Variants in MAD1L1 observed in about 807,000 individuals in gnomAD.
MAD1L1 encodes the protein mitotic spindle assembly checkpoint protein MAD1.
A neutral mutation model predicts 96.9 loss-of-function variants in MAD1L1; 95 were observed. The ratio of observed to expected loss-of-function variants is 0.98; its 90% confidence interval spans 0.83 to 1.16. The LOEUF (loss-of-function observed/expected upper bound fraction) is 1.16, where lower values mean the gene tolerates loss of function less well. MAD1L1 is among the 50% of genes most tolerant of loss of function. The probability of loss-of-function intolerance (pLI) is 0.00; values close to 1 mark genes in which losing one functional copy is unlikely to be tolerated. For missense variants in MAD1L1, 1,007 were observed against 954.4 expected (o/e 1.06, Z -0.73); for synonymous variants, 473 against 396.6 (o/e 1.19, Z -2.29).
intron 11 of MAD1L1, among the ~76,000 whole-genome samples, chr7:2,137,447 C>T (rs1043856120): frequency 1.3e-5 from 2 of 152,160 alleles, no homozygotes; most frequent in African/African-American, 4.8e-5. Flanking sequence ...CTAACAGAAA[C>T]GTCACAGAGC....
At chr7:1,864,487 G>A (rs1212956974) in intron 18 of MAD1L1, among the ~76,000 whole-genome samples, 2 of 152,206 alleles carry the variant, frequency 1.3e-5, no homozygotes. Context: ...CCCCCCTGCC[G>A]GGAGTCTTTA....
At chr7:2,042,678 A>G (rs1416304841) in intron 12 of MAD1L1, among the ~76,000 whole-genome samples, 1 of 152,150 alleles carries the variant, frequency 6.6e-6, no homozygotes, top group Non-Finnish European at 1.5e-5. Context: ...TGGAACCTCA[A>G]GTGTCTCTCT....
In MAD1L1 at chr7:2,151,366, C is replaced by A. The variant is rs1249719826; in HGVS notation, c.987-2128G>T. 2.0e-5 allele frequency among the ~76,000 whole-genome samples: 3 copies of A among 152,372 alleles called. 1 individual carries two copies. The highest frequency in any genetic ancestry group is 7.2e-5 in the African/African-American group (3 of 41,582). Reference sequence around the variant, plus strand: ...CGGCAGGCTACAGGCTCCACCTACACAGCCAAGACCACCCCGCCTCACACC... The same window carrying A: ...CGGCAGGCTACAGGCTCCACCTACAAAGCCAAGACCACCCCGCCTCACACC... On this transcript the variant is annotated intron_variant, in intron 10 of 18. Transcript: ENST00000265854.
intron 18 of MAD1L1, among the ~76,000 whole-genome samples, chr7:1,893,031 G>A (rs1048217866): frequency 1.7e-4 from 26 of 152,348 alleles, no homozygotes; most frequent in African/African-American, 6.3e-4. Context: ...GGGATGGAGA[G>A]ACCAGGAGCT....
chr7:1,920,159 G>A (rs1017031071), intron 17 of MAD1L1, among the ~76,000 whole-genome samples: 45 of 152,186 alleles, frequency 3.0e-4, no homozygotes, highest in Middle Eastern at 3.2e-3. Context: ...CTGGGTCCCC[G>A]GCTTGCCCCC....
intron 1 of MAD1L1, among the ~76,000 whole-genome samples, chr7:2,231,450 T>C (rs772570383): frequency 6.6e-6 from 1 of 151,834 alleles, no homozygotes; most frequent in East Asian, 1.9e-4. Flanking sequence ...TGAAACCCCA[T>C]CTCTACTAAA....
At chr7:1,976,600 G>T (rs1031705441) in intron 15 of MAD1L1, among the ~76,000 whole-genome samples, 5 of 152,240 alleles carry the variant, frequency 3.3e-5, no homozygotes, top group Admixed American at 3.3e-4. Flanking sequence ...CCACAGCGTG[G>T]AAGGGGACCC....
At chr7:2,080,045 C>T (rs1785561556) in intron 11 of MAD1L1, 1 of 289,162 alleles carries the variant, frequency 3.5e-6, no homozygotes, top group African/African-American at 2.3e-5. Flanking sequence ...TGCCTGCTCG[C>T]CTAATGCACA....
In MAD1L1 at chr7:2,114,748, C is replaced by T. The variant is rs1187127835; in HGVS notation, c.1073+34404G>A. Among the ~76,000 whole-genome samples, 1 of 152,234 alleles carries T rather than the reference C, an allele frequency of 6.6e-6. No individual in the cohort carries two copies. The highest frequency in any genetic ancestry group is 1.5e-5 in the Non-Finnish European group (1 of 68,044). On this transcript the variant is annotated intron_variant, in intron 11 of 18. Transcript: ENST00000265854. This position sits in a 1 kb window ranked among gnomAD's most constrained non-coding sequence, Gnocchi z 4.2. ...AATCGCCGCTGCCGCTCTCACAGCA[C>T]GATGGCAGAGTTCAGCGTCTTCGAC...
chr7:2,227,011 A>G (rs1195805292), intron 3 of MAD1L1, among the ~76,000 whole-genome samples: 2 of 148,516 alleles, frequency 1.3e-5, no homozygotes, highest in African/African-American at 2.5e-5. Context: ...AAAAGAATCT[A>G]GGCCAGGCGT....
chr7:1,952,981 G>A (rs1272840025), intron 16 of MAD1L1, among the ~76,000 whole-genome samples: 1 of 152,214 alleles, frequency 6.6e-6, no homozygotes, highest in Non-Finnish European at 1.5e-5. Context: ...ACCTGGGCAT[G>A]GACGCCAGCA....
intron 12 of MAD1L1, among the ~76,000 whole-genome samples, chr7:2,054,715 C>T (rs562849248): frequency 1.3e-5 from 2 of 152,222 alleles, no homozygotes; most frequent in Admixed American, 1.3e-4. Context: ...AGAGCAAACA[C>T]GACCCTGGAA....
intron 15 of MAD1L1, among the ~76,000 whole-genome samples, chr7:1,977,645 G>A (rs1780707911): frequency 6.6e-6 from 1 of 152,252 alleles, no homozygotes; most frequent in South Asian, 2.1e-4. Flanking sequence ...AGATATCAAT[G>A]ATAAAGGCCT....
At position 1,960,250 on chromosome 7, in the gene MAD1L1, G is replaced by GAA. The variant is rs55800455; in HGVS notation, c.1506-2533_1506-2532dup. ...AAAGTGGATTGAAAAAAGGTAAAAAGAAAAAAAAAAAAGGAAACAGAAATG... is the reference window on the plus strand; with the variant it reads ...AAAGTGGATTGAAAAAAGGTAAAAAGAAAAAAAAAAAAAAGGAAACAGAAATG... On this transcript the variant is annotated intron_variant, in intron 15 of 18. Coordinates refer to ENST00000265854, the MANE Select transcript of MAD1L1 (RefSeq NM_001013836.2). Among the ~76,000 whole-genome samples the GAA allele has an allele frequency of 4.7e-3, 606 of 128,788 alleles. 3 individuals are homozygous for GAA. The highest frequency in any genetic ancestry group is 0.016 in the African/African-American group (572 of 35,952). The allele number at this position is 128,788 out of a possible 152,430, so 84.5% of individuals were successfully genotyped here.
rs555208668 is a variant in MAD1L1 at position 1,873,391 on chromosome 7, G to A, written c.1998+24809C>T. On this transcript the variant is annotated intron_variant, in intron 18 of 18. Coordinates refer to ENST00000265854, the MANE Select transcript of MAD1L1 (RefSeq NM_001013836.2). ...AGGGGCAGGGCTCTGGGAGGAGGTT[G>A]GGGAGGCCTCAAGGAAGGTGGCATT... Among the ~76,000 whole-genome samples the A allele has an allele frequency of 4.8e-4, 73 of 152,218 alleles. 1 individual carries two copies. The South Asian group carries it at 6.8e-3, about 14-fold the overall frequency.
chr7:2,075,446 T>A (rs749551661), intron 11 of MAD1L1, among the ~76,000 whole-genome samples: 1 of 152,192 alleles, frequency 6.6e-6, no homozygotes, highest in Admixed American at 6.5e-5. Context: ...CCGGCCTTTC[T>A]TCTGAGGTAC....
intron 18 of MAD1L1, among the ~76,000 whole-genome samples, chr7:1,875,061 G>A (rs1785310806): frequency 6.6e-6 from 1 of 152,152 alleles, no homozygotes. Context: ...CTCCCTGTGA[G>A]ACTGGGGACC....
chr7:2,215,443 C>T (rs1005493816), intron 9 of MAD1L1, among the ~76,000 whole-genome samples: 2 of 151,118 alleles, frequency 1.3e-5, no homozygotes, highest in East Asian at 3.9e-4. Context: ...AAATCCAAAA[C>T]GGGTCTCCCC....
At chr7:2,218,839 C>T (rs1360308182) in intron 6 of MAD1L1, among the ~76,000 whole-genome samples, 1 of 151,970 alleles carries the variant, frequency 6.6e-6, no homozygotes, top group East Asian at 1.9e-4. Flanking sequence ...GCGGAGGCTG[C>T]AGTGAGCCGA....
Sources: gnomAD v4.1 joint callset for allele counts (sites outside exome capture counted in the v4.1 genomes callset) on GRCh38, gnomAD v4.1.1 for gene constraint, Gnocchi (gnomAD v3.1) non-coding constraint, MANE v1.5 for transcripts, NCBI Gene and HGNC (gene_info 2026-07-23, HGNC 2026-07-21) for gene names.